Variants in JCAD observed in about 807,000 individuals in gnomAD.
JCAD encodes the protein junctional cadherin 5 associated.
A neutral mutation model predicts 98.0 loss-of-function variants in JCAD; 40 were observed. That is an observed-to-expected ratio of 0.41 (90% CI 0.32 to 0.53). The LOEUF (loss-of-function observed/expected upper bound fraction) is 0.53. Among genes scored for constraint, JCAD ranks in the 20% least tolerant of loss-of-function variants. The pLI is 0.31. For synonymous variants in JCAD, 691 were observed against 682.3 expected, an observed-to-expected ratio of 1.01 and a Z score of -0.20; for missense variants, 1,705 against 1,738.1, an observed-to-expected ratio of 0.98 and a Z score of 0.34.
In JCAD at chr10:30,017,098, A is replaced by T. The variant is rs529629997; in HGVS notation, c.*785T>A. ...TAAAAAGAAATATAGTCACTTTGTTAAAATGGTCTATTTTAAACCAGCAAT... is the reference window on the plus strand; with the variant it reads ...TAAAAAGAAATATAGTCACTTTGTTTAAATGGTCTATTTTAAACCAGCAAT... On this transcript the variant is annotated 3_prime_UTR_variant, in exon 4 of 4. Coordinates refer to ENST00000375377, the MANE Select transcript of JCAD (RefSeq NM_020848.4). 1.3e-5 allele frequency: 2 copies of T among 152,342 alleles called. No individual in the cohort carries two copies. The highest frequency in any genetic ancestry group is 3.9e-4 in the East Asian group (2 of 5,190). The allele number at this position is 152,342 out of a possible 1,614,324, so 9.4% of individuals were successfully genotyped here. A position where few individuals can be genotyped will look rare whatever the true frequency, so the allele number is the denominator to read the frequency against.
At chr10:30,096,338 T>C in intron 1 of JCAD, among the ~76,000 whole-genome samples, 1 of 152,224 alleles carries the variant, frequency 6.6e-6, no homozygotes, top group East Asian at 1.9e-4. Flanking sequence ...TCCTCGTCTG[T>C]AAGATGTGGA....
Position 30,026,725 on chromosome 10 carries a change from G to GGACA in JCAD, c.3419_3422dup (p.Thr1142ValfsTer3), listed in dbSNP as rs1836814775. ...TCCTCCTGCCATAAAAGGCATCAGT[G>GGACA]GACACCCTGGGGACATCTGCCGGTG... is the stretch of plus-strand genomic sequence containing the variant. On this transcript the variant is annotated frameshift_variant, in exon 3 of 4. Transcript: ENST00000375377. LOFTEE classifies it high-confidence loss of function. 6.2e-7 allele frequency: 1 copy of GGACA among 1,613,996 alleles called. No individual in the cohort carries two copies. Among genetic ancestry groups the GGACA allele is most frequent in the African/African-American group, 1.3e-5 (1 of 74,922 alleles).
At chr10:30,089,538 G>GTGTGTT (rs1564468962) in intron 1 of JCAD, among the ~76,000 whole-genome samples, 1 of 151,812 alleles carries the variant, frequency 6.6e-6, no homozygotes, top group Non-Finnish European at 1.5e-5. Flanking sequence ...GTGTGTGTGT[G>GTGTGTT]TGTGTGTGTG....
intron 2 of JCAD, among the ~76,000 whole-genome samples, chr10:30,038,213 C>CT (rs926318079): frequency 6.6e-6 from 1 of 152,168 alleles, no homozygotes; most frequent in African/African-American, 2.4e-5. Context: ...TTGTTGCTTC[C>CT]TTTTCATAAA....
At chr10:30,020,603 T>C (rs937241936) in intron 3 of JCAD, among the ~76,000 whole-genome samples, 4 of 152,194 alleles carry the variant, frequency 2.6e-5, no homozygotes, top group Non-Finnish European at 5.9e-5. Flanking sequence ...AGAAGTTTGC[T>C]CAAACGTCAT....
intron 3 of JCAD, among the ~76,000 whole-genome samples, chr10:30,024,917 G>T (rs1014232699): frequency 1.3e-5 from 2 of 152,004 alleles, no homozygotes; most frequent in African/African-American, 4.8e-5. Flanking sequence ...GGATGGTCTC[G>T]ATCTCCTGAC....
chr10:30,023,413 A>G (rs915179360), intron 3 of JCAD, among the ~76,000 whole-genome samples: 1 of 152,222 alleles, frequency 6.6e-6, no homozygotes, highest in African/African-American at 2.4e-5. Context: ...TATTCCATAC[A>G]GTAACAGGCT....
At chr10:30,115,120 C>T (rs745405826) in intron 1 of JCAD, among the ~76,000 whole-genome samples, 16 of 152,158 alleles carry the variant, frequency 1.1e-4, no homozygotes, top group Non-Finnish European at 1.8e-4. Context: ...TGCGATGCGG[C>T]GACTCCAACG....
At chr10:30,097,493 TA>T (rs772532780) in intron 1 of JCAD, among the ~76,000 whole-genome samples, 1 of 152,184 alleles carries the variant, frequency 6.6e-6, no homozygotes, top group Non-Finnish European at 1.5e-5. Context: ...CTCATGCCTA[TA>T]ATCCCAGCAC....
intron 2 of JCAD, among the ~76,000 whole-genome samples, chr10:30,068,392 A>C: frequency 7.6e-6 from 1 of 131,110 alleles, no homozygotes; most frequent in South Asian, 2.4e-4. Flanking sequence ...CTCTGTCTCA[A>C]AAAAAAAAAA....
rs1266507020 is a variant in JCAD, at chr10:30,047,562, C to T, written c.251G>A (p.Ser84Asn). Residue 84 changes from serine to asparagine, a missense_variant, in exon 2 of 4, where the codon AGC (serine) becomes AAC (asparagine). Physicochemically the swap from Ser to Asn is conservative, Grantham distance 46. This residue lies in a region of JCAD where 152 missense variants were observed against 148.0 expected (regional missense o/e 1.03). Coordinates refer to ENST00000375377, the MANE Select transcript of JCAD (RefSeq NM_020848.4). Reference protein sequence around the residue: ...STPRGHGEPQSTSASRTSEAG... With the variant: ...STPRGHGEPQNTSASRTSEAG... ...CTCCGAGGTTCTGGAAGCAGAAGTG[C>T]TCTGGGGCTCCCCGTGGCCTCTCGG... 2 of 1,613,808 alleles carry T rather than the reference C, an allele frequency of 1.2e-6. No homozygotes were observed. Among genetic ancestry groups the T allele is most frequent in the Non-Finnish European group, 8.5e-7 (1 of 1,179,962 alleles).
chr10:30,051,684 G>A (rs1461054072), intron 1 of JCAD, among the ~76,000 whole-genome samples: 1 of 152,170 alleles, frequency 6.6e-6, no homozygotes, highest in Non-Finnish European at 1.5e-5. Context: ...AGGGAAATCT[G>A]GCAGAAAAGC....
chr10:30,042,917 C>T (rs1215529698), intron 2 of JCAD, among the ~76,000 whole-genome samples: 1 of 152,226 alleles, frequency 6.6e-6, no homozygotes, highest in Non-Finnish European at 1.5e-5. Flanking sequence ...AGTCAGGCTT[C>T]ACAGTCCATC....
At chr10:30,079,395 G>T (rs1838039292) in intron 1 of JCAD, among the ~76,000 whole-genome samples, 1 of 151,868 alleles carries the variant, frequency 6.6e-6, no homozygotes, top group African/African-American at 2.4e-5. Flanking sequence ...GGGGCTTCTG[G>T]TGAACTGGCA....
In JCAD at chr10:30,028,079, T is replaced by G; in HGVS notation, c.2069A>C (p.Gln690Pro). 1 of 1,614,264 alleles carries G rather than the reference T, an allele frequency of 6.2e-7. No homozygotes were observed. Among genetic ancestry groups the G allele is most frequent in the Non-Finnish European group, 8.5e-7 (1 of 1,180,052 alleles). ...SWPGHRYRDQQTQTSFSEEPQ... is the reference protein window; with the variant it reads ...SWPGHRYRDQPTQTSFSEEPQ... Reference sequence around the variant, plus strand: ...CTCCTCGGAGAAACTGGTTTGTGTTTGCTGATCTCTGTACCGGTGCCCTGG... The same window carrying G: ...CTCCTCGGAGAAACTGGTTTGTGTTGGCTGATCTCTGTACCGGTGCCCTGG... The change falls in exon 3 of 4, where the codon CAA becomes CCA. Residue 690 changes from glutamine (Q) to proline (P), a missense_variant. Gln to Pro is a moderately conservative substitution (Grantham distance 76). Transcript: ENST00000375377.
At chr10:30,053,507 GGA>G (rs1564456106) in intron 1 of JCAD, among the ~76,000 whole-genome samples, 1 of 150,916 alleles carries the variant, frequency 6.6e-6, no homozygotes, top group Non-Finnish European at 1.5e-5. Flanking sequence ...TGCAGTGAGC[GGA>G]GATTGTGCCA....
upstream of JCAD, among the ~76,000 whole-genome samples, chr10:30,063,471 A>C (rs1456964413): frequency 6.6e-6 from 1 of 151,948 alleles, no homozygotes. Context: ...ACCTAGAGCA[A>C]CCCTCCTCCC....
At chr10:30,044,410 A>ATCCC (rs1837295804) in intron 2 of JCAD, among the ~76,000 whole-genome samples, 1 of 152,068 alleles carries the variant, frequency 6.6e-6, no homozygotes, top group South Asian at 2.1e-4. Flanking sequence ...AAGTGTGGGG[A>ATCCC]CACACTTTAA....
chr10:30,016,917 G>T lies in JCAD; in HGVS notation c.*966C>A, dbSNP rs368927533. 2.6e-5 allele frequency: 4 copies of T among 152,340 alleles called. No homozygotes were observed. Among genetic ancestry groups the T allele is most frequent in the South Asian group, 4.1e-4 (2 of 4,834 alleles). 9.4% of individuals were successfully genotyped at this position (152,340 alleles called of 1,614,324 possible). On this transcript the variant is annotated 3_prime_UTR_variant, in exon 4 of 4. Transcript: ENST00000375377. ...TTTCTAAGATAAAATAAAAGTAGCA[G>T]AGTTGTCAGTGGGTAAGGGACAGAG...
Sources: gnomAD v4.1 joint callset for allele counts (sites outside exome capture counted in the v4.1 genomes callset) on GRCh38, gnomAD v4.1.1 for gene constraint, gnomAD v4.1.1 regional missense constraint, MANE v1.5 for transcripts, NCBI Gene and HGNC (gene_info 2026-07-23, HGNC 2026-07-21) for gene names.